Variants in USH2A observed in about 807,000 individuals in gnomAD.
USH2A encodes the protein Usher syndrome 2A (autosomal recessive, mild).
Under a neutral mutation model 538.9 loss-of-function variants are expected in USH2A, and 443 were observed. The ratio of observed to expected loss-of-function variants is 0.82; its 90% confidence interval spans 0.76 to 0.89. The LOEUF (loss-of-function observed/expected upper bound fraction) is 0.89. Among genes scored for constraint, USH2A ranks in the 40% least tolerant of loss-of-function variants. USH2A has a pLI of 0.00. For synonymous variants in USH2A, 2,413 were observed against 2,273.5 expected (o/e 1.06, Z -1.75); for missense variants, 6,633 against 6,324.8 (o/e 1.05, Z -1.65).
intron 61 of USH2A, among the ~76,000 whole-genome samples, chr1:215,705,056 T>TA (rs1659148083): frequency 6.6e-6 from 1 of 152,228 alleles, no homozygotes. Flanking sequence ...CTAGCTGTTT[T>TA]AAAAATATTT....
intron 4 of USH2A, among the ~76,000 whole-genome samples, chr1:216,349,494 C>T (rs2038236999): frequency 2.0e-5 from 3 of 152,146 alleles, no homozygotes; most frequent in Admixed American, 2.0e-4. Flanking sequence ...AAAGACCTTG[C>T]TGATAAAACA....
intron 21 of USH2A, among the ~76,000 whole-genome samples, chr1:216,163,353 T>G (rs1003104511): frequency 1.3e-5 from 2 of 152,062 alleles, no homozygotes; most frequent in Admixed American, 1.3e-4. Flanking sequence ...ATAGTTATTT[T>G]AAAGTCTGTG....
At chr1:215,931,875 G>C (rs148749597) in intron 38 of USH2A, among the ~76,000 whole-genome samples, 1,707 of 152,000 alleles carry the variant, frequency 0.011, 18 homozygotes, top group South Asian at 0.024. Flanking sequence ...GATACAGAAA[G>C]GCCCTATCTC....
At chr1:215,822,834 A>G (rs1663049073) in intron 47 of USH2A, among the ~76,000 whole-genome samples, 1 of 152,000 alleles carries the variant, frequency 6.6e-6, no homozygotes, top group Non-Finnish European at 1.5e-5. Flanking sequence ...GCCATATTGA[A>G]TTTTATCAAA....
rs1558157936 is a variant in USH2A, at chr1:215,912,485, A to ACG, written c.7301-11581_7301-11580insCG. ...TATATATATATATATACGTATATAT[A>ACG]TATATGTGTATATATATATATATAT... On this transcript the variant is annotated intron_variant, in intron 38 of 71. Coordinates refer to ENST00000307340, the MANE Select transcript of USH2A (RefSeq NM_206933.4). Among the ~76,000 whole-genome samples, 20 of 27,990 alleles carry ACG rather than the reference A, an allele frequency of 7.1e-4. 1 individual carries two copies. The highest frequency in any genetic ancestry group is 3.0e-3 in the African/African-American group (20 of 6,626). 18.4% of individuals were successfully genotyped at this position (27,990 alleles called of 152,430 possible). A position where few individuals can be genotyped will look rare whatever the true frequency, so the allele number is the denominator to read the frequency against.
chr1:216,143,991 C>T (rs1050406343), intron 21 of USH2A, among the ~76,000 whole-genome samples: 6 of 152,148 alleles, frequency 3.9e-5, no homozygotes, highest in Admixed American at 3.9e-4. Context: ...TCAAGACTTT[C>T]TTTAGGGGGA....
chr1:216,220,576 A>G (rs190494312), intron 14 of USH2A, among the ~76,000 whole-genome samples: 89 of 151,494 alleles, frequency 5.9e-4, no homozygotes, highest in Admixed American at 2.2e-3. Context: ...TAAGCCAGGG[A>G]AGTCGGGGAG....
chr1:216,251,155 G>T, intron 11 of USH2A, 57 bp from the exon 12 acceptor site: 11 of 1,572,628 alleles, frequency 7.0e-6, no homozygotes, highest in Non-Finnish European at 8.7e-6. Context: ...TAGATAATTT[G>T]CTCATTAGGT....
Position 216,031,450 on chromosome 1 carries a change from T to C in USH2A, c.6325+14981A>G, listed in dbSNP as rs537063765. Among the ~76,000 whole-genome samples the C allele has an allele frequency of 9.2e-4, 140 of 152,240 alleles. 1 individual carries two copies. Among genetic ancestry groups the C allele is most frequent in the African/African-American group, 3.1e-3 (127 of 41,562 alleles). ...ACTAATGCATATAAATACAATACAA[T>C]AGAGCTGTTAACAAATAAACATAAT... On this transcript the variant is annotated intron_variant, in intron 32 of 71. Coordinates refer to ENST00000307340, the MANE Select transcript of USH2A (RefSeq NM_206933.4).
intron 21 of USH2A, among the ~76,000 whole-genome samples, chr1:216,144,898 G>C (rs1052385696): frequency 6.6e-6 from 1 of 151,852 alleles, no homozygotes; most frequent in African/African-American, 2.4e-5. Flanking sequence ...TTCTTTTTAC[G>C]TTAAAAATCT....
intron 20 of USH2A, among the ~76,000 whole-genome samples, chr1:216,189,815 A>G (rs950795298): frequency 6.6e-6 from 1 of 151,992 alleles, no homozygotes; most frequent in African/African-American, 2.4e-5. Flanking sequence ...CGTCCTCATA[A>G]GAAGCTTCCT....
chr1:215,647,721 G>C lies in USH2A; in HGVS notation c.14592C>G (p.Leu4864=), dbSNP rs2102642296. The part of the protein sequence containing the change: ...FPNGVIHSYE[L]QFHVACPPDS... ...CAGGAGGGCAAGCCACGTGGAATTG[G>C]AGTTCATAGCTAAAATGAGAATGGA... The change falls in exon 67 of 72, where the codon CTC becomes CTG. Residue 4864 remains leucine, a synonymous_variant. Coordinates refer to ENST00000307340, the MANE Select transcript of USH2A (RefSeq NM_206933.4). 1 of 1,614,152 alleles carries C rather than the reference G, an allele frequency of 6.2e-7. No individual in the cohort carries two copies. Among genetic ancestry groups the C allele is most frequent in the Non-Finnish European group, 8.5e-7 (1 of 1,180,024 alleles).
intron 11 of USH2A, among the ~76,000 whole-genome samples, chr1:216,282,570 T>C (rs1373944432): frequency 1.3e-5 from 2 of 152,230 alleles, no homozygotes; most frequent in Non-Finnish European, 1.5e-5. Flanking sequence ...TTCTCAATTC[T>C]ATTTCAGTGA....
chr1:215,744,383 A>G (rs577402361), intron 58 of USH2A, among the ~76,000 whole-genome samples: 2 of 152,320 alleles, frequency 1.3e-5, no homozygotes, highest in East Asian at 3.9e-4. Context: ...ATGCTTGTTA[A>G]GTTTTATTTG....
intron 13 of USH2A, among the ~76,000 whole-genome samples, chr1:216,232,601 T>A (rs941301085): frequency 1.3e-5 from 2 of 152,232 alleles, no homozygotes; most frequent in Non-Finnish European, 2.9e-5. Context: ...AAAAAAGTTA[T>A]CTGAAATTCA....
chr1:215,696,578 A>G (rs548095279), intron 61 of USH2A, among the ~76,000 whole-genome samples: 2 of 152,260 alleles, frequency 1.3e-5, no homozygotes, highest in South Asian at 4.1e-4. Context: ...CCATCTGACT[A>G]CTGTCTCTGT....
chr1:216,127,678 AAGAG>A (rs1339104191), intron 21 of USH2A, among the ~76,000 whole-genome samples: 1 of 152,218 alleles, frequency 6.6e-6, no homozygotes, highest in East Asian at 1.9e-4. Context: ...GCAAAAGTAA[AAGAG>A]AGAATTCACA....
At chr1:215,709,953 G>C (rs376418565) in intron 61 of USH2A, among the ~76,000 whole-genome samples, 1 of 152,186 alleles carries the variant, frequency 6.6e-6, no homozygotes, top group African/African-American at 2.4e-5. Flanking sequence ...GAAGAAGACC[G>C]ATGCACATAC....
intron 32 of USH2A, among the ~76,000 whole-genome samples, chr1:216,012,643 C>T (rs542308980): frequency 1.3e-3 from 198 of 152,160 alleles, no homozygotes; most frequent in African/African-American, 4.2e-3. Context: ...ATATCCCTTA[C>T]GGTCCTCCGT....
Sources: gnomAD v4.1 joint callset for allele counts (sites outside exome capture counted in the v4.1 genomes callset) on GRCh38, gnomAD v4.1.1 for gene constraint, MANE v1.5 for transcripts, NCBI Gene and HGNC (gene_info 2026-07-23, HGNC 2026-07-21) for gene names.